The following CCDC171 variants were observed in gnomAD, a reference collection of about 807,000 sequenced individuals.
The protein encoded by CCDC171 is coiled-coil domain containing 171.
Under a neutral mutation model 168.2 loss-of-function variants are expected in CCDC171, and 177 were observed. The observed-to-expected ratio is 1.05, with a 90% CI of 0.93 to 1.19. CCDC171 has a LOEUF of 1.19. Ranked by LOEUF, CCDC171 falls within the 50% of genes most tolerant of loss-of-function variation. The pLI is 0.00. For synonymous variants in CCDC171, 687 were observed against 540.8 expected, an observed-to-expected ratio of 1.27 and a Z score of -3.75; for missense variants, 1,991 against 1,539.0, an observed-to-expected ratio of 1.29 and a Z score of -4.91.
At chr9:15,932,509 G>A (rs1378179145) in intron 25 of CCDC171, among the ~76,000 whole-genome samples, 1 of 151,528 alleles carries the variant, frequency 6.6e-6, no homozygotes, top group Non-Finnish European at 1.5e-5. Context: ...AGTTTTTTTG[G>A]TGCAGTTTTT....
intron 7 of CCDC171, among the ~76,000 whole-genome samples, chr9:15,638,176 C>A (rs1007945264): frequency 4.6e-5 from 7 of 152,040 alleles, no homozygotes; most frequent in African/African-American, 1.7e-4. Context: ...TATTTTTCTT[C>A]TATTTGTAAG....
chr9:16,055,703 A>G (rs926840067), intron 1 of CCDC171, among the ~76,000 whole-genome samples: 2 of 152,230 alleles, frequency 1.3e-5, no homozygotes, highest in African/African-American at 2.4e-5. Context: ...TCTGCTGAAC[A>G]TAGCCCTAAA....
intron 16 of CCDC171, among the ~76,000 whole-genome samples, chr9:15,740,166 G>A (rs1588225133): frequency 6.6e-6 from 1 of 151,558 alleles, no homozygotes; most frequent in Non-Finnish European, 1.5e-5. Context: ...ATATTTCTGT[G>A]GTTTCATTTT....
chr9:16,001,784 C>T (rs183812247), intron 3 of CCDC171, among the ~76,000 whole-genome samples: 64 of 151,434 alleles, frequency 4.2e-4, no homozygotes, highest in Middle Eastern at 3.5e-3. Flanking sequence ...ATTATGTATA[C>T]TACATAATAC....
rs187835801 is a variant in CCDC171, at chr9:16,009,559, C to G, written n.369-11030C>G. 1.7e-3 allele frequency among the ~76,000 whole-genome samples: 252 copies of G among 152,250 alleles called. 2 individuals carry two copies. The highest frequency in any genetic ancestry group is 5.7e-3 in the African/African-American group (235 of 41,540). On this transcript the variant is annotated intron_variant and non_coding_transcript_variant, in intron 3 of 9. Coordinates refer to the CCDC171 transcript ENST00000486641. ...ATCTTTAAGCTTTTTGATCATTTCC[C>G]TTACGATTCTTTCTGGTAAGTGAAT...
chr9:15,650,841 A>T (rs1311649527), intron 7 of CCDC171, among the ~76,000 whole-genome samples: 1 of 152,096 alleles, frequency 6.6e-6, no homozygotes, highest in Admixed American at 6.6e-5. Context: ...TTGAACATTG[A>T]TCATTTCTAT....
intron 25 of CCDC171, among the ~76,000 whole-genome samples, chr9:15,969,633 C>G (rs1026336007): frequency 1.3e-5 from 2 of 152,062 alleles, no homozygotes; most frequent in Non-Finnish European, 2.9e-5. Context: ...ACTTTTGAAG[C>G]CTTTTCTGAC....
intron 21 of CCDC171, among the ~76,000 whole-genome samples, chr9:15,823,286 T>C (rs199617905): frequency 6.6e-6 from 1 of 151,886 alleles, no homozygotes; most frequent in African/African-American, 2.4e-5. Flanking sequence ...TAACAAACCT[T>C]CACGTTGTGC....
chr9:16,015,271 T>C (rs375659705), intron 3 of CCDC171, among the ~76,000 whole-genome samples: 9 of 152,174 alleles, frequency 5.9e-5, no homozygotes, highest in African/African-American at 1.9e-4. Flanking sequence ...AACCAGTCTT[T>C]TGCTAGCCTC....
At chr9:15,670,836 T>G (rs1267279402) in intron 9 of CCDC171, among the ~76,000 whole-genome samples, 1 of 152,188 alleles carries the variant, frequency 6.6e-6, no homozygotes, top group African/African-American at 2.4e-5. Context: ...ACATAAGAGC[T>G]GCTAAATAAA....
At position 15,564,149 on chromosome 9, in the gene CCDC171, T is replaced by C. The variant is rs2039536267; in HGVS notation, c.41+20T>C. The C allele has an allele frequency of 6.3e-7, 1 of 1,583,258 alleles. No homozygotes were observed. The highest frequency in any genetic ancestry group is 8.6e-7 in the Non-Finnish European group (1 of 1,159,758). ...CCAAAGGTAAGCCTCTAGTCTCTTCTTTTAGTTGATGAACGTTTTTAGTTG... is the reference window on the plus strand; with the variant it reads ...CCAAAGGTAAGCCTCTAGTCTCTTCCTTTAGTTGATGAACGTTTTTAGTTG... On this transcript the variant is annotated intron_variant, in intron 2 of 25. Transcript: ENST00000380701.
chr9:16,007,766 G>T (rs1017350961), intron 3 of CCDC171, among the ~76,000 whole-genome samples: 5 of 152,012 alleles, frequency 3.3e-5, no homozygotes, highest in African/African-American at 1.2e-4. Context: ...ATTTCTGAGG[G>T]CTCTGTTCTG....
chr9:15,574,938 A>G (rs768700229), intron 3 of CCDC171, among the ~76,000 whole-genome samples: 24 of 152,288 alleles, frequency 1.6e-4, no homozygotes, highest in Middle Eastern at 3.4e-3. Flanking sequence ...ATAGACTCAT[A>G]CGTTCCAGAT....
At chr9:15,949,486 C>CT (rs1253301578) in intron 25 of CCDC171, among the ~76,000 whole-genome samples, 1 of 152,152 alleles carries the variant, frequency 6.6e-6, no homozygotes, top group African/African-American at 2.4e-5. Flanking sequence ...CTTGTATCCT[C>CT]TTTTATTTCA....
chr9:15,605,804 G>A (rs572037141), intron 6 of CCDC171, among the ~76,000 whole-genome samples: 35 of 152,052 alleles, frequency 2.3e-4, no homozygotes, highest in African/African-American at 7.5e-4. Flanking sequence ...GAAGCATTAC[G>A]TTTTTACATA....
intron 7 of CCDC171, among the ~76,000 whole-genome samples, chr9:15,644,718 C>T (rs1448367026): frequency 6.6e-6 from 1 of 152,188 alleles, no homozygotes; most frequent in East Asian, 1.9e-4. Context: ...ATTGATGAGG[C>T]TTGAGTAGGT....
At chr9:15,829,259 TG>T (rs1175466242) in intron 21 of CCDC171, among the ~76,000 whole-genome samples, 4 of 152,110 alleles carry the variant, frequency 2.6e-5, no homozygotes, top group Admixed American at 1.3e-4. Flanking sequence ...GATGTGTGGA[TG>T]GGAAGGGAAA....
At position 15,578,890 on chromosome 9, in the gene CCDC171, G is replaced by T. The variant is rs1350663119; in HGVS notation, c.219G>T (p.Glu73Asp). The change falls in exon 4 of 26, where the codon GAG (glutamate) becomes GAT (aspartate). Residue 73 changes from glutamate (E) to aspartate (D), a missense_variant. Physicochemically the swap from Glu to Asp is conservative, Grantham distance 45. Transcript: ENST00000380701. ...GCCAGATTGCCAAGCTACGGTCCGA[G>T]GTTGAAAAGGGAGAAGCATTGCGAC... Reference protein sequence around the residue: ...YESQIAKLRSEVEKGEALRQS... With the variant: ...YESQIAKLRSDVEKGEALRQS... 3.1e-6 allele frequency: 5 copies of T among 1,613,952 alleles called. No individual in the cohort carries two copies. The South Asian group carries it at 5.5e-5, about 18-fold the overall frequency.
rs117280647 is a variant in CCDC171 at position 15,770,401 on chromosome 9, C to G, written c.2672-7199C>G. Among the ~76,000 whole-genome samples, 621 of 152,164 alleles carry G rather than the reference C, an allele frequency of 4.1e-3. 3 individuals are homozygous for G. The Middle Eastern group carries it at 0.048, about 12-fold the overall frequency. On this transcript the variant is annotated intron_variant, in intron 18 of 25. Transcript: ENST00000380701. ...ACTATATTACAGAAAAATTAGTTTC[C>G]TTTGTAATCCCACATCTCTTGATTT...
Sources: allele counts gnomAD v4.1 joint callset (sites outside exome capture counted in the v4.1 genomes callset), GRCh38; gene constraint gnomAD v4.1.1; transcripts MANE v1.5; gene names NCBI Gene and HGNC (gene_info 2026-07-23, HGNC 2026-07-21).